CD80: variants seen among roughly 807,000 people sequenced by gnomAD.
CD80 encodes the protein CD80 molecule.
In CD80, 13 loss-of-function variants were observed where a neutral mutation model predicts 27.1. The observed-to-expected ratio is 0.48, with a 90% CI of 0.31 to 0.76. The LOEUF (loss-of-function observed/expected upper bound fraction) is 0.76. CD80 is among the 30% of genes least tolerant of loss of function. The pLI, the probability that CD80 is intolerant of heterozygous loss-of-function variation, is 0.04. For missense variants in CD80, 277 were observed against 347.9 expected (o/e 0.80, Z 1.62); for synonymous variants, 125 against 125.5 (o/e 1.00, Z 0.03).
intron 4 of CD80, among the ~76,000 whole-genome samples, chr3:119,530,627 G>A (rs2082104303): frequency 6.6e-6 from 1 of 152,172 alleles, no homozygotes. Flanking sequence ...GGAGAAAGGT[G>A]TTGGTGGATA....
intron 6 of CD80, among the ~76,000 whole-genome samples, chr3:119,526,890 A>G (rs1306330497): frequency 6.6e-6 from 1 of 152,204 alleles, no homozygotes. Context: ...AGGGAGGCTT[A>G]TAACTACCTG....
chr3:119,526,279 G>A lies in CD80; in HGVS notation c.*39-530C>T, dbSNP rs141478016. 3.3e-5 allele frequency among the ~76,000 whole-genome samples: 5 copies of A among 152,254 alleles called. No individual in the cohort carries two copies. The East Asian group carries it at 9.6e-4, about 29-fold the overall frequency. On this transcript the variant is annotated intron_variant, in intron 6 of 6. Coordinates refer to ENST00000264246, the MANE Select transcript of CD80 (RefSeq NM_005191.4). The stretch of plus-strand genomic sequence containing the variant: ...ATGTGCTATAGAGGTGGAACTGCTT[G>A]AGCTAGACAAGATGACCACAGAAGG...
chr3:119,552,217 G>C (rs1170578416), intron 2 of CD80, among the ~76,000 whole-genome samples: 1 of 152,170 alleles, frequency 6.6e-6, no homozygotes, highest in Non-Finnish European at 1.5e-5. Context: ...GGCCGGGCGT[G>C]GTGGCTCACG....
At chr3:119,541,575 G>T (rs2082168566) in intron 3 of CD80, among the ~76,000 whole-genome samples, 1 of 152,142 alleles carries the variant, frequency 6.6e-6, no homozygotes, top group African/African-American at 2.4e-5. Flanking sequence ...TCAAATTGTG[G>T]TCCTCCACAG....
chr3:119,542,547 G>C (rs2082175771), intron 3 of CD80, among the ~76,000 whole-genome samples: 1 of 152,074 alleles, frequency 6.6e-6, no homozygotes, highest in South Asian at 2.1e-4. Context: ...CTCAAAAAGG[G>C]CTCTGGCTCC....
Position 119,525,590 on chromosome 3 carries a change from C to T in CD80, c.*198G>A, listed in dbSNP as rs767121036. 6.6e-6 allele frequency: 1 copy of T among 152,462 alleles called. No homozygotes were observed. Among genetic ancestry groups the T allele is most frequent in the Non-Finnish European group, 1.5e-5 (1 of 68,032 alleles). 9.4% of individuals were successfully genotyped at this position (152,462 alleles called of 1,614,324 possible). On this transcript the variant is annotated 3_prime_UTR_variant, in exon 7 of 7. Coordinates refer to ENST00000264246, the MANE Select transcript of CD80 (RefSeq NM_005191.4). ...TTTCAAAACACCTTGATCAAGGTCA[C>T]CAGAGCTACTTCTGTGCCCACCATA...
chr3:119,540,486 A>T (rs949311895), intron 3 of CD80, among the ~76,000 whole-genome samples: 4 of 152,092 alleles, frequency 2.6e-5, no homozygotes, highest in African/African-American at 2.4e-5. Flanking sequence ...TCCCTAAATG[A>T]AGTTTGATAT....
At position 119,557,751 on chromosome 3, in the gene CD80, A is replaced by T; in HGVS notation, c.-23T>A. The T allele has an allele frequency of 1.3e-6, 2 of 1,581,792 alleles. No individual in the cohort carries two copies. Among genetic ancestry groups the T allele is most frequent in the Non-Finnish European group, 1.7e-6 (2 of 1,156,002 alleles). On this transcript the variant is annotated 5_prime_UTR_variant, in exon 2 of 7. Transcript: ENST00000264246. ...CATGGCTTCAGATGCTTAGGGTCAA[A>T]AGTGAAAGCCAACAATTTGGACCCA... is the stretch of plus-strand genomic sequence containing the variant.
chr3:119,546,125 A>G (rs1045767493), intron 2 of CD80, among the ~76,000 whole-genome samples: 9 of 152,226 alleles, frequency 5.9e-5, no homozygotes, highest in South Asian at 2.1e-4. Context: ...GAATTTTCCA[A>G]TGACATGCAA....
chr3:119,529,716 T>C, intron 5 of CD80, 126 bp downstream of exon 5: 1 of 662,160 alleles, frequency 1.5e-6, no homozygotes. Context: ...GAGATGCTCA[T>C]GTTTCCATAG....
At chr3:119,544,290 G>T in intron 3 of CD80, 1 of 478,896 alleles carries the variant, frequency 2.1e-6, no homozygotes, top group South Asian at 2.8e-5. Flanking sequence ...TGATTGAGAG[G>T]CTCTTTAGGT....
chr3:119,559,203 A>G (rs922488347), intron 1 of CD80, among the ~76,000 whole-genome samples: 1 of 152,160 alleles, frequency 6.6e-6, no homozygotes, highest in Non-Finnish European at 1.5e-5. Flanking sequence ...CACAAAAACA[A>G]TATTTGCTAG....
chr3:119,533,046 G>A (rs1411983952), intron 4 of CD80, among the ~76,000 whole-genome samples: 1 of 152,200 alleles, frequency 6.6e-6, no homozygotes, highest in Non-Finnish European at 1.5e-5. Flanking sequence ...ACAAGCCATT[G>A]CTGTTATCCT....
intron 3 of CD80, among the ~76,000 whole-genome samples, chr3:119,537,751 G>A (rs1212571964): frequency 1.3e-5 from 2 of 152,194 alleles, no homozygotes; most frequent in Non-Finnish European, 2.9e-5. Flanking sequence ...GCAGTTAGCC[G>A]AGATCGTACG....
intron 3 of CD80, among the ~76,000 whole-genome samples, chr3:119,541,885 T>A (rs2082171094): frequency 6.6e-6 from 1 of 152,204 alleles, no homozygotes; most frequent in South Asian, 2.1e-4. Flanking sequence ...TACGGTAATC[T>A]GCTAATAGGG....
intron 3 of CD80, among the ~76,000 whole-genome samples, chr3:119,539,025 C>G (rs920958650): frequency 6.6e-6 from 1 of 152,158 alleles, no homozygotes; most frequent in Non-Finnish European, 1.5e-5. Flanking sequence ...CCTCTTTATT[C>G]TGTCCTCATG....
intron 3 of CD80, 90 bp from the exon 4 acceptor site, chr3:119,537,508 A>C: frequency 1.0e-6 from 1 of 969,992 alleles, no homozygotes; most frequent in South Asian, 1.7e-5. Context: ...AGCTTTAATA[A>C]GAATTGATAA....
At chr3:119,558,765 CAAA>C (rs11343154) in intron 1 of CD80, among the ~76,000 whole-genome samples, 5 of 93,660 alleles carry the variant, frequency 5.3e-5, no homozygotes, top group Admixed American at 2.3e-4. Flanking sequence ...GACTCCATCT[CAAA>C]AAAAAAAAAA....
At chr3:119,534,549 A>G (rs1456068398) in intron 4 of CD80, among the ~76,000 whole-genome samples, 1 of 152,180 alleles carries the variant, frequency 6.6e-6, no homozygotes, top group African/African-American at 2.4e-5. Flanking sequence ...CTATTCAGAA[A>G]AAAATTTGCC....
Sources: allele counts gnomAD v4.1 joint callset (sites outside exome capture counted in the v4.1 genomes callset), GRCh38; gene constraint gnomAD v4.1.1; transcripts MANE v1.5; gene names NCBI Gene and HGNC (gene_info 2026-07-23, HGNC 2026-07-21).